PXDNL: variants seen among roughly 807,000 people sequenced by gnomAD.
PXDNL encodes peroxidasin like, also known as probable oxidoreductase PXDNL.
A neutral mutation model predicts 150.8 loss-of-function variants in PXDNL; 145 were observed. The observed-to-expected ratio is 0.96, with a 90% CI of 0.84 to 1.10. The LOEUF is 1.10. Among genes scored for constraint, PXDNL ranks in the 50% least tolerant of loss-of-function variants. The probability of loss-of-function intolerance (pLI) is 0.00; values close to 1 mark genes in which losing one functional copy is unlikely to be tolerated. For missense variants in PXDNL, 2,087 were observed against 1,873.9 expected (o/e 1.11, Z -2.10); for synonymous variants, 757 against 725.7 (o/e 1.04, Z -0.69).
At chr8:51,375,879 C>T (rs1403073652) in intron 17 of PXDNL, among the ~76,000 whole-genome samples, 1 of 152,202 alleles carries the variant, frequency 6.6e-6, no homozygotes, top group African/African-American at 2.4e-5. Context: ...TGCATAAAAG[C>T]AGCCATAGAC....
At chr8:51,327,762 A>G (rs930318830) in intron 21 of PXDNL, among the ~76,000 whole-genome samples, 1 of 152,220 alleles carries the variant, frequency 6.6e-6, no homozygotes, top group Non-Finnish European at 1.5e-5. Context: ...AGCATGTGGC[A>G]AGCTTGTAAA....
intron 18 of PXDNL, among the ~76,000 whole-genome samples, chr8:51,374,215 A>G (rs1472691102): frequency 2.0e-5 from 3 of 152,152 alleles, no homozygotes; most frequent in Non-Finnish European, 4.4e-5. Flanking sequence ...CAGACGTCCT[A>G]TGGAATAGGT....
chr8:51,611,305 A>AT (rs35446320), intron 2 of PXDNL, among the ~76,000 whole-genome samples: 12,271 of 152,240 alleles, frequency 0.081, 586 homozygotes, highest in South Asian at 0.1. Context: ...TAAAATAGCA[A>AT]TTTCAGCATA....
At chr8:51,367,589 A>G (rs1041868277) in intron 19 of PXDNL, among the ~76,000 whole-genome samples, 2 of 152,192 alleles carry the variant, frequency 1.3e-5, no homozygotes, top group East Asian at 1.9e-4. Flanking sequence ...AACCTAGCCT[A>G]TGGACATATA....
chr8:51,397,013 G>A (rs1808102979), intron 17 of PXDNL, among the ~76,000 whole-genome samples: 1 of 152,272 alleles, frequency 6.6e-6, no homozygotes, highest in Middle Eastern at 3.4e-3. Context: ...CCACTCAACT[G>A]TGGTCTTCAC....
chr8:51,516,511 A>G lies in PXDNL; in HGVS notation c.381-16741T>C, dbSNP rs1168455740. Among the ~76,000 whole-genome samples the G allele has an allele frequency of 3.3e-5, 5 of 152,068 alleles. No homozygotes were observed. In the East Asian group the frequency reaches 9.6e-4, roughly 29 times the overall value. ...ATTGATAGTCAGAAAATCCACCATG[A>G]TAAGTAATTAGGGTTTGTTGATGGC... On this transcript the variant is annotated intron_variant, in intron 4 of 22. Coordinates refer to ENST00000356297, the MANE Select transcript of PXDNL (RefSeq NM_144651.5).
At chr8:51,783,349 T>G (rs1402037184) in intron 1 of PXDNL, among the ~76,000 whole-genome samples, 1 of 152,154 alleles carries the variant, frequency 6.6e-6, no homozygotes, top group African/African-American at 2.4e-5. Context: ...TGCTGCTGAG[T>G]CGAATAACAC....
At chr8:51,686,333 C>A (rs1321405995) in intron 1 of PXDNL, among the ~76,000 whole-genome samples, 1 of 152,220 alleles carries the variant, frequency 6.6e-6, no homozygotes, top group African/African-American at 2.4e-5. Flanking sequence ...TTCTTCCCAG[C>A]CTGGAATGAT....
intron 20 of PXDNL, among the ~76,000 whole-genome samples, chr8:51,343,738 A>G (rs1290835896): frequency 6.6e-6 from 1 of 152,210 alleles, no homozygotes; most frequent in Non-Finnish European, 1.5e-5. Flanking sequence ...ACCATCTTAT[A>G]AAACAAGGGA....
At chr8:51,634,631 G>T (rs1814566130) in intron 2 of PXDNL, among the ~76,000 whole-genome samples, 1 of 151,944 alleles carries the variant, frequency 6.6e-6, no homozygotes, top group Non-Finnish European at 1.5e-5. Flanking sequence ...TTTTCCATTT[G>T]TTTGTGACAT....
chr8:51,523,445 C>A (rs190393469), intron 4 of PXDNL, among the ~76,000 whole-genome samples: 2 of 152,330 alleles, frequency 1.3e-5, no homozygotes, highest in East Asian at 3.9e-4. Context: ...AACCTGAATT[C>A]TAATTGTGTT....
At chr8:51,357,997 G>T (rs1260010049) in intron 19 of PXDNL, among the ~76,000 whole-genome samples, 1 of 152,060 alleles carries the variant, frequency 6.6e-6, no homozygotes, top group Non-Finnish European at 1.5e-5. Context: ...TGGGATGGAA[G>T]GTGTCTGTTT....
chr8:51,596,414 C>T (rs527556243), intron 2 of PXDNL, among the ~76,000 whole-genome samples: 1 of 152,224 alleles, frequency 6.6e-6, no homozygotes, highest in East Asian at 1.9e-4. Context: ...GATATATACC[C>T]AGTAATAGGA....
At chr8:51,320,722 T>C in intron 22 of PXDNL, 62 bp downstream of exon 22, 2 of 1,156,968 alleles carry the variant, frequency 1.7e-6, no homozygotes, top group Non-Finnish European at 2.5e-6. Context: ...TTTTCAAGTA[T>C]GCTTCAACTG....
At chr8:51,572,968 T>C (rs1393616248) in intron 3 of PXDNL, among the ~76,000 whole-genome samples, 2 of 151,924 alleles carry the variant, frequency 1.3e-5, no homozygotes, top group Non-Finnish European at 2.9e-5. Context: ...TATGACACAA[T>C]GGTAATTTTC....
chr8:51,507,283 T>TA (rs1222371102), intron 4 of PXDNL, among the ~76,000 whole-genome samples: 1 of 152,204 alleles, frequency 6.6e-6, no homozygotes, highest in African/African-American at 2.4e-5. Context: ...AAGGATTCTC[T>TA]ACCTAACTTT....
intron 1 of PXDNL, among the ~76,000 whole-genome samples, chr8:51,709,762 A>G (rs1816457229): frequency 6.6e-6 from 1 of 152,246 alleles, no homozygotes; most frequent in East Asian, 1.9e-4. Flanking sequence ...CTACATATGT[A>G]TATATGTATG....
chr8:51,516,690 A>T (rs1232620739), intron 4 of PXDNL, among the ~76,000 whole-genome samples: 1 of 152,220 alleles, frequency 6.6e-6, no homozygotes, highest in African/African-American at 2.4e-5. Context: ...GCCTCAAGTC[A>T]CACAGTCCTT....
chr8:51,364,353 G>A (rs768007844), intron 19 of PXDNL, among the ~76,000 whole-genome samples: 2 of 152,096 alleles, frequency 1.3e-5, no homozygotes, highest in African/African-American at 2.4e-5. Context: ...CACTCTTACT[G>A]TATTCCCACT....
Sources: allele counts gnomAD v4.1 joint callset (sites outside exome capture counted in the v4.1 genomes callset), GRCh38; gene constraint gnomAD v4.1.1; transcripts MANE v1.5; gene names NCBI Gene and HGNC (gene_info 2026-07-23, HGNC 2026-07-21).